Variants in TADA2A observed in about 807,000 individuals in gnomAD.
TADA2A encodes the protein transcriptional adaptor 2A.
Under a neutral mutation model 67.4 loss-of-function variants are expected in TADA2A, and 38 were observed. The ratio of observed to expected loss-of-function variants is 0.56; its 90% CI spans 0.44 to 0.74. TADA2A has a LOEUF of 0.74. Ranked by LOEUF, TADA2A falls within the 30% of genes least tolerant of loss-of-function variation. TADA2A has a pLI of 0.00. For synonymous variants in TADA2A, 192 were observed against 181.6 expected, an observed-to-expected ratio of 1.06 and a Z score of -0.46; for missense variants, 454 against 547.0, an observed-to-expected ratio of 0.83 and a Z score of 1.70.
At chr17:37,470,634 T>C (rs1403285783) in intron 13 of TADA2A, 102 bp downstream of exon 13, 18 of 1,225,714 alleles carry the variant, frequency 1.5e-5, no homozygotes, top group Admixed American at 2.8e-5. Flanking sequence ...AATAATTGAG[T>C]AGCTGGAAGA....
intron 9 of TADA2A, chr17:37,461,857 A>G (rs1210387829): frequency 8.7e-6 from 4 of 458,832 alleles, no homozygotes; most frequent in Non-Finnish European, 1.6e-5. Context: ...AGTCATGGAG[A>G]GTCTACTATG....
At chr17:37,455,326 A>C (rs1265243093) in intron 8 of TADA2A, among the ~76,000 whole-genome samples, 2 of 145,388 alleles carry the variant, frequency 1.4e-5, no homozygotes, top group African/African-American at 2.5e-5. Flanking sequence ...AAAAAAAAAA[A>C]AAAACCTGTG....
intron 2 of TADA2A, among the ~76,000 whole-genome samples, chr17:37,414,919 C>T (rs1421088235): frequency 6.9e-6 from 1 of 145,266 alleles, no homozygotes; most frequent in Non-Finnish European, 1.5e-5. Flanking sequence ...TGAGACAGAG[C>T]TTCGCTCTTG....
chr17:37,411,487 A>G (rs2051867428), intron 2 of TADA2A, 97 bp downstream of exon 2: 6 of 1,192,580 alleles, frequency 5.0e-6, no homozygotes, highest in Admixed American at 1.8e-5. Context: ...CAGTGGCATG[A>G]TGTTGGCTCA....
intron 8 of TADA2A, among the ~76,000 whole-genome samples, chr17:37,457,922 A>T (rs886935851): frequency 6.6e-6 from 1 of 152,048 alleles, no homozygotes; most frequent in East Asian, 1.9e-4. Context: ...AGAAAGGAGA[A>T]TTTTTTTTAA....
At position 37,411,280 on chromosome 17, in the gene TADA2A, G is replaced by C; in HGVS notation, c.-86G>C. 1 of 1,301,248 alleles carries C rather than the reference G, an allele frequency of 7.7e-7. No individual in the cohort carries two copies. The highest frequency in any genetic ancestry group is 1.1e-6 in the Non-Finnish European group (1 of 898,102). 80.6% of individuals were successfully genotyped at this position (1,301,248 alleles called of 1,614,324 possible). On this transcript the variant is annotated 5_prime_UTR_variant, in exon 2 of 16. Coordinates refer to ENST00000615182, the MANE Select transcript of TADA2A (RefSeq NM_001166105.3). ...TTGTTTGTTCCTAGGGAGTCATCAAGCTTTGGTGTATGTGTTGGCCGGTTC... is the reference window on the plus strand; with the variant it reads ...TTGTTTGTTCCTAGGGAGTCATCAACCTTTGGTGTATGTGTTGGCCGGTTC...
chr17:37,453,977 T>A (rs1204474138), intron 8 of TADA2A, among the ~76,000 whole-genome samples: 1 of 152,008 alleles, frequency 6.6e-6, no homozygotes, highest in African/African-American at 2.4e-5. Context: ...TTCACCATGT[T>A]GGCCAGGCTG....
At chr17:37,423,826 T>C (rs2052321738) in intron 3 of TADA2A, among the ~76,000 whole-genome samples, 2 of 151,324 alleles carry the variant, frequency 1.3e-5, no homozygotes, top group African/African-American at 4.9e-5. Context: ...CTCTGCTAAC[T>C]GCAATCTCCA....
intron 8 of TADA2A, among the ~76,000 whole-genome samples, chr17:37,446,308 G>GGTGTT (rs2053080143): frequency 6.6e-6 from 1 of 151,910 alleles, no homozygotes; most frequent in Non-Finnish European, 1.5e-5. Context: ...CACCTCTTGT[G>GGTGTT]GTGTTCCCTT....
At chr17:37,468,941 CGCAGGCTGGAGT>C (rs1303963624) in intron 12 of TADA2A, among the ~76,000 whole-genome samples, 1 of 151,534 alleles carries the variant, frequency 6.6e-6, no homozygotes, top group Non-Finnish European at 1.5e-5. Context: ...GGCTCTGTTG[CGCAGGCTGGAGT>C]TCAGTGGTGC....
chr17:37,433,953 C>CAA (rs57761020), intron 4 of TADA2A, among the ~76,000 whole-genome samples: 5 of 134,282 alleles, frequency 3.7e-5, no homozygotes, highest in African/African-American at 8.0e-5. Context: ...GACTTGGTCT[C>CAA]AAAAAAAAAA....
intron 2 of TADA2A, among the ~76,000 whole-genome samples, chr17:37,422,655 C>G (rs2052281561): frequency 6.6e-6 from 1 of 151,992 alleles, no homozygotes; most frequent in African/African-American, 2.4e-5. Flanking sequence ...ATAGGCTGCG[C>G]CCCCATCCCT....
intron 4 of TADA2A, among the ~76,000 whole-genome samples, chr17:37,428,550 T>C (rs746390573): frequency 2.0e-5 from 3 of 152,190 alleles, no homozygotes. Context: ...GCCTTATCTT[T>C]CCTGTGCTGA....
rs902380784 is a variant in TADA2A, at chr17:37,462,472, CA to C, written c.712+361del. Among the ~76,000 whole-genome samples the C allele has an allele frequency of 8.1e-5, 12 of 147,750 alleles. No individual in the cohort carries two copies. In the East Asian group the frequency reaches 1.8e-3, roughly 22 times the overall value. The stretch of plus-strand genomic sequence containing the variant: ...TGAAACCCCATCTCTACTAAAAATA[CA>C]AAAAAAAAATTAGCCAGGCGTGGCG... On this transcript the variant is annotated intron_variant, in intron 10 of 15. Coordinates refer to ENST00000615182, the MANE Select transcript of TADA2A (RefSeq NM_001166105.3).
At chr17:37,468,406 G>T (rs947591646) in intron 12 of TADA2A, among the ~76,000 whole-genome samples, 4 of 152,112 alleles carry the variant, frequency 2.6e-5, no homozygotes, top group Admixed American at 1.3e-4. Context: ...CTAGAACCAG[G>T]TCATAAGAGA....
rs760842735 is a variant in TADA2A, at chr17:37,476,914, A to T, written c.1264A>T (p.Ile422Leu). 12 of 1,614,070 alleles carry T rather than the reference A, an allele frequency of 7.4e-6. No homozygotes were observed. Among genetic ancestry groups the T allele is most frequent in the Non-Finnish European group, 1.0e-5 (12 of 1,180,038 alleles). ...GGCGCAGGCAAGAGCACTCATCAAG[A>T]TAGATGTGAACAAAACCCGGAAAAT... The part of the protein sequence containing the change: ...RLAQARALIK[I>L]DVNKTRKIYD... Residue 422 changes from isoleucine (I) to leucine (L), a missense_variant, in exon 16 of 16, where the codon ATA becomes TTA. This residue lies in a region of TADA2A where 51 missense variants were observed against 91.5 expected (regional missense o/e 0.56). Coordinates refer to ENST00000615182, the MANE Select transcript of TADA2A (RefSeq NM_001166105.3).
At chr17:37,451,148 C>T (rs886989725) in intron 8 of TADA2A, among the ~76,000 whole-genome samples, 6 of 151,884 alleles carry the variant, frequency 4.0e-5, no homozygotes, top group African/African-American at 1.2e-4. Context: ...CCGCCTTAGC[C>T]TCACAAGTAG....
intron 11 of TADA2A, 130 bp from the exon 12 acceptor site, chr17:37,467,324 G>GT (rs2053686419): frequency 1.5e-6 from 1 of 688,660 alleles, no homozygotes; most frequent in Admixed American, 3.1e-5. Flanking sequence ...TTACCAACGA[G>GT]TAGGATTCTC....
At chr17:37,470,993 C>A in intron 13 of TADA2A, 101 bp from the exon 14 acceptor site, 1 of 1,127,806 alleles carries the variant, frequency 8.9e-7, no homozygotes, top group Non-Finnish European at 1.4e-6. Context: ...TACACTTCTT[C>A]AAGGTGACCT....
Sources: allele counts gnomAD v4.1 joint callset (sites outside exome capture counted in the v4.1 genomes callset), GRCh38; gene constraint gnomAD v4.1.1; regional missense constraint gnomAD v4.1.1; transcripts MANE v1.5; gene names NCBI Gene and HGNC (gene_info 2026-07-23, HGNC 2026-07-21).